Variants in TTLL11 observed in about 807,000 individuals in gnomAD.
TTLL11 encodes the protein tubulin polyglutamylase TTLL11.
Under a neutral mutation model 51.7 loss-of-function variants are expected in TTLL11, and 42 were observed. That is an observed-to-expected ratio of 0.81 (90% confidence interval 0.64 to 1.05). TTLL11 has a LOEUF of 1.05. TTLL11 is among the 50% of genes least tolerant of loss of function. The probability of loss-of-function intolerance (pLI) is 0.00; values close to 1 mark genes in which losing one functional copy is unlikely to be tolerated. For missense variants in TTLL11, 799 were observed against 940.4 expected (o/e 0.85, Z 1.97); for synonymous variants, 381 against 383.5 (o/e 0.99, Z 0.08).
At chr9:121,958,248 T>C (rs1842083908) in intron 6 of TTLL11, among the ~76,000 whole-genome samples, 1 of 152,206 alleles carries the variant, frequency 6.6e-6, no homozygotes, top group South Asian at 2.1e-4. Context: ...TTGCTACTCC[T>C]TTCAGTCAAC....
rs753196438 is a variant in TTLL11, at chr9:122,092,922, C to T, written c.227G>A (p.Gly76Glu). Residue 76 changes from glycine (G) to glutamate (E), a missense_variant, in exon 1 of 9, where the codon GGG becomes GAG. Transcript: ENST00000321582. ...APAQPSAAEE[G>E]NTQVLQRPPP... Reference sequence around the variant, plus strand: ...CGGCCGCTGAAGGACCTGGGTGTTCCCCTCCTCAGCCGCACTGGGCTGCGC... The same window carrying T: ...CGGCCGCTGAAGGACCTGGGTGTTCTCCTCCTCAGCCGCACTGGGCTGCGC... 6.3e-6 allele frequency: 10 copies of T among 1,579,024 alleles called. No homozygotes were observed. The highest frequency in any genetic ancestry group is 2.3e-5 in the East Asian group (1 of 43,714).
At chr9:121,894,285 C>T (rs1361904659) in intron 6 of TTLL11, among the ~76,000 whole-genome samples, 3 of 152,192 alleles carry the variant, frequency 2.0e-5, no homozygotes, top group Non-Finnish European at 4.4e-5. Flanking sequence ...AACGCTTTTA[C>T]ACTGTTGGTG....
chr9:122,022,199 GA>G (rs140738872), intron 3 of TTLL11, among the ~76,000 whole-genome samples: 1,813 of 151,522 alleles, frequency 0.012, 30 homozygotes, highest in African/African-American at 0.041. Flanking sequence ...AAGAGGCATA[GA>G]AAAAAAATCT....
chr9:121,886,598 C>T (rs913527203), intron 6 of TTLL11, among the ~76,000 whole-genome samples: 1 of 152,158 alleles, frequency 6.6e-6, no homozygotes, highest in Non-Finnish European at 1.5e-5. Context: ...TTCTGGCCTC[C>T]AGCACTGTGA....
chr9:122,031,635 C>A lies in TTLL11; in HGVS notation c.693+88G>T. ...CCCTTAGTCGCAGCTCCCTGGGACC[C>A]CCTGTCCCAGCTCCCAGCACACAGG... On this transcript the variant is annotated intron_variant, in intron 3 of 8. Transcript: ENST00000321582. The A allele has an allele frequency of 2.0e-6, 3 of 1,497,400 alleles. No individual in the cohort carries two copies. The Admixed American group carries it at 5.7e-5, about 29-fold the overall frequency. The allele number at this position is 1,497,400 out of a possible 1,614,324, so 92.8% of individuals were successfully genotyped here.
chr9:121,992,120 G>A lies in TTLL11; in HGVS notation c.694-2350C>T, dbSNP rs146100469. On this transcript the variant is annotated intron_variant, in intron 3 of 8. Transcript: ENST00000321582. ...GTATGGCCATCCAGGAACTATATCT[G>A]TAGATCCTGAGTTGGCCAGACTGCC... is the stretch of plus-strand genomic sequence containing the variant. 4.6e-5 allele frequency among the ~76,000 whole-genome samples: 7 copies of A among 152,288 alleles called. No individual in the cohort carries two copies. The East Asian group carries it at 1.4e-3, about 29-fold the overall frequency.
At chr9:122,030,776 CAAA>C (rs35456581) in intron 3 of TTLL11, among the ~76,000 whole-genome samples, 5,147 of 69,282 alleles carry the variant, frequency 0.074, 93 homozygotes, top group African/African-American at 0.11. Context: ...ACAAAAAATA[CAAA>C]AAAAAAAAAA....
chr9:121,910,011 C>G (rs1564300501), intron 6 of TTLL11, among the ~76,000 whole-genome samples: 1 of 152,174 alleles, frequency 6.6e-6, no homozygotes, highest in Non-Finnish European at 1.5e-5. Context: ...CCCATAACCT[C>G]GCTGGATCCT....
chr9:121,924,751 G>C (rs1347506268), intron 6 of TTLL11, among the ~76,000 whole-genome samples: 1 of 150,172 alleles, frequency 6.7e-6, no homozygotes, highest in Non-Finnish European at 1.5e-5. Context: ...TACCTGTGGG[G>C]ATAACAAGCA....
At chr9:122,044,882 G>A (rs1292230107) in intron 1 of TTLL11, among the ~76,000 whole-genome samples, 3 of 151,998 alleles carry the variant, frequency 2.0e-5, no homozygotes, top group African/African-American at 2.4e-5. Context: ...GGCTGACGCG[G>A]GAGGAGTTCA....
At chr9:121,924,500 A>C (rs1003449480) in intron 6 of TTLL11, among the ~76,000 whole-genome samples, 10 of 152,214 alleles carry the variant, frequency 6.6e-5, no homozygotes, top group African/African-American at 2.4e-4. Context: ...AAGGGTTAGG[A>C]GATATTGAGA....
chr9:121,852,600 C>T (rs1256042136), intron 8 of TTLL11, among the ~76,000 whole-genome samples: 1 of 152,158 alleles, frequency 6.6e-6, no homozygotes, highest in African/African-American at 2.4e-5. Flanking sequence ...TCTCTCCACC[C>T]TCAAGGTGAC....
rs190434718 is a variant in TTLL11, at chr9:122,080,475, G to T, written c.462+12212C>A. Among the ~76,000 whole-genome samples, 193 of 152,112 alleles carry T rather than the reference G, an allele frequency of 1.3e-3. 1 individual carries two copies. Among genetic ancestry groups the T allele is most frequent in the Non-Finnish European group, 2.3e-3 (155 of 67,996 alleles). ...CAAGCCAGAGGATCGTTGAGGCCAA[G>T]AGTTCAAGACCAGCCTGGGCAACAT... is the stretch of plus-strand genomic sequence containing the variant. On this transcript the variant is annotated intron_variant, in intron 1 of 8. Transcript: ENST00000321582.
Position 121,924,580 on chromosome 9 carries a change from T to C in TTLL11, c.1481+49429A>G, listed in dbSNP as rs138722338. ...TCGGGGAAGGAGCAGATGAGAGTTC[T>C]GGAGAAAAAGAAAAGAAGCTGGAGG... On this transcript the variant is annotated intron_variant, in intron 6 of 8. Transcript: ENST00000321582. 2.5e-3 allele frequency among the ~76,000 whole-genome samples: 388 copies of C among 152,178 alleles called. 3 individuals are homozygous for C. The highest frequency in any genetic ancestry group is 8.9e-3 in the African/African-American group (368 of 41,514).
chr9:121,884,632 T>C (rs1838936723), intron 6 of TTLL11: 2 of 152,294 alleles, frequency 1.3e-5, no homozygotes, highest in South Asian at 2.1e-4. Flanking sequence ...TGCCAGGGAA[T>C]GGAGAAATTC....
chr9:122,064,188 A>G (rs1241977975), intron 1 of TTLL11, among the ~76,000 whole-genome samples: 1 of 152,262 alleles, frequency 6.6e-6, no homozygotes, highest in Non-Finnish European at 1.5e-5. Context: ...CAAACTGAAT[A>G]AAGAAATCTT....
At position 121,821,567 on chromosome 9, in the gene TTLL11, C is replaced by A. The variant is rs1410381223; in HGVS notation, c.*1020G>T. Among the ~76,000 whole-genome samples the A allele has an allele frequency of 6.6e-6, 1 of 152,162 alleles. No homozygotes were observed. Among genetic ancestry groups the A allele is most frequent in the African/African-American group, 2.4e-5 (1 of 41,436 alleles). On this transcript the variant is annotated 3_prime_UTR_variant, in exon 9 of 9. Coordinates refer to ENST00000321582, the MANE Select transcript of TTLL11 (RefSeq NM_001139442.2). This position sits in a 1 kb window ranked among gnomAD's most constrained non-coding sequence, Gnocchi z 5.0. ...CATGCCCAAGGCTGTTTCCAAAATG[C>A]CACCTTCTGCTGCCTGTGAGGCGTT...
chr9:122,030,776 C>CAAAA (rs35456581), intron 3 of TTLL11, among the ~76,000 whole-genome samples: 1 of 69,334 alleles, frequency 1.4e-5, no homozygotes, highest in African/African-American at 5.1e-5. Flanking sequence ...ACAAAAAATA[C>CAAAA]AAAAAAAAAA....
chr9:121,948,084 C>T (rs910033722), intron 6 of TTLL11, among the ~76,000 whole-genome samples: 2 of 152,248 alleles, frequency 1.3e-5, no homozygotes, highest in African/African-American at 4.8e-5. Flanking sequence ...ACATGTCAAG[C>T]CCTATTCCAG....
Sources: allele counts gnomAD v4.1 joint callset (sites outside exome capture counted in the v4.1 genomes callset), GRCh38; gene constraint gnomAD v4.1.1; non-coding constraint Gnocchi (gnomAD v3.1); transcripts MANE v1.5; gene names NCBI Gene and HGNC (gene_info 2026-07-23, HGNC 2026-07-21).